APBB2: variants seen among roughly 807,000 people sequenced by gnomAD.
APBB2 encodes amyloid beta precursor protein binding family B member 2.
APBB2 carries 38 observed loss-of-function variants against 82.5 expected under a neutral mutation model. The ratio of observed to expected loss-of-function variants is 0.46; its 90% CI spans 0.36 to 0.60. APBB2 has a LOEUF of 0.60. Ranked by LOEUF, APBB2 falls within the 20% of genes least tolerant of loss-of-function variation. The pLI, the probability that APBB2 is intolerant of heterozygous loss-of-function variation, is 0.00. For synonymous variants in APBB2, 341 were observed against 368.2 expected (o/e 0.93, Z 0.85); for missense variants, 772 against 972.3 (o/e 0.79, Z 2.74).
chr4:40,972,760 T>G (rs1309335028), intron 6 of APBB2, among the ~76,000 whole-genome samples: 1 of 152,192 alleles, frequency 6.6e-6, no homozygotes, highest in Non-Finnish European at 1.5e-5. Context: ...ACGAATCCCA[T>G]GAAGTTTTAA....
intron 6 of APBB2, among the ~76,000 whole-genome samples, chr4:40,961,085 G>A (rs574687032): frequency 2.0e-5 from 3 of 152,256 alleles, no homozygotes; most frequent in Admixed American, 6.5e-5. Context: ...TTTGGTTCCT[G>A]AGGTCTTTGT....
chr4:41,015,684 T>C (rs529799653), intron 5 of APBB2, among the ~76,000 whole-genome samples: 145 of 152,310 alleles, frequency 9.5e-4, no homozygotes, highest in Non-Finnish European at 1.7e-3. Context: ...TATAACAGTA[T>C]GACCATGTGG....
At position 40,826,121 on chromosome 4, in the gene APBB2, G is replaced by C; in HGVS notation, c.1733-151C>G. 1 of 651,598 alleles carries C rather than the reference G, an allele frequency of 1.5e-6. No homozygotes were observed. Among genetic ancestry groups the C allele is most frequent in the Non-Finnish European group, 2.8e-6 (1 of 354,994 alleles). 40.4% of individuals were successfully genotyped at this position (651,598 alleles called of 1,614,324 possible). On this transcript the variant is annotated intron_variant, in intron 14 of 17. Transcript: ENST00000508593. This position sits in a 1 kb window ranked among gnomAD's most constrained non-coding sequence, Gnocchi z 4.5. ...TGTAAATGTAACAACTATTCTACAA[G>C]AGCAGCATTACTCCAGATATTGGGG...
At chr4:41,112,056 G>C (rs996105999) in intron 2 of APBB2, among the ~76,000 whole-genome samples, 11 of 152,196 alleles carry the variant, frequency 7.2e-5, no homozygotes, top group Admixed American at 7.2e-4. Flanking sequence ...GAGGTGGGAT[G>C]GGCTGAGTTC....
intron 12 of APBB2, among the ~76,000 whole-genome samples, chr4:40,875,391 C>T (rs1766631039): frequency 6.6e-6 from 1 of 152,132 alleles, no homozygotes; most frequent in Non-Finnish European, 1.5e-5. Flanking sequence ...AGGGGAGTCC[C>T]GTTCAACAGA....
At chr4:41,027,582 T>C (rs1436388331) in intron 5 of APBB2, among the ~76,000 whole-genome samples, 2 of 152,028 alleles carry the variant, frequency 1.3e-5, no homozygotes, top group East Asian at 3.8e-4. Context: ...ATGCTTTTCA[T>C]TTCCCTTTCA....
chr4:41,109,269 A>G (rs555914677), intron 2 of APBB2, among the ~76,000 whole-genome samples: 26 of 150,470 alleles, frequency 1.7e-4, no homozygotes, highest in Non-Finnish European at 3.5e-4. Flanking sequence ...ATCTCTCTAC[A>G]CTAAAAAAAG....
intron 10 of APBB2, among the ~76,000 whole-genome samples, chr4:40,921,648 G>GCCCA: frequency 6.6e-6 from 1 of 152,182 alleles, no homozygotes; most frequent in Non-Finnish European, 1.5e-5. Context: ...AGTGACACTG[G>GCCCA]CCCACTGCAT....
intron 4 of APBB2, among the ~76,000 whole-genome samples, chr4:41,044,603 A>G (rs1394168093): frequency 6.6e-6 from 1 of 152,156 alleles, no homozygotes. Context: ...CTGAAGGTCA[A>G]TTTTGCTAGA....
chr4:41,025,411 G>A (rs1300771286), intron 5 of APBB2, among the ~76,000 whole-genome samples: 5 of 152,112 alleles, frequency 3.3e-5, no homozygotes, highest in Non-Finnish European at 5.9e-5. Flanking sequence ...GTCGGTGGGA[G>A]TGTGAATTAG....
intron 3 of APBB2, among the ~76,000 whole-genome samples, chr4:41,083,027 T>C (rs1738234482): frequency 6.6e-6 from 1 of 151,966 alleles, no homozygotes; most frequent in Non-Finnish European, 1.5e-5. Flanking sequence ...TAGCCAGGCA[T>C]GGTGGCGCAT....
chr4:40,900,295 G>A (rs570391167), intron 10 of APBB2, among the ~76,000 whole-genome samples: 2 of 152,220 alleles, frequency 1.3e-5, no homozygotes, highest in South Asian at 4.1e-4. Context: ...ATTCTTCCCT[G>A]TAGATACACC....
intron 12 of APBB2, among the ~76,000 whole-genome samples, chr4:40,859,860 T>C (rs1264250076): frequency 1.3e-5 from 2 of 152,128 alleles, no homozygotes; most frequent in Non-Finnish European, 2.9e-5. Flanking sequence ...CTCAGAGCCT[T>C]TGCACTGACT....
chr4:40,903,298 TA>T (rs33976536), intron 10 of APBB2, among the ~76,000 whole-genome samples: 5,835 of 148,188 alleles, frequency 0.039, 366 homozygotes, highest in African/African-American at 0.14. Context: ...CCAACTCTAC[TA>T]AAAAAAAAAA....
intron 4 of APBB2, among the ~76,000 whole-genome samples, chr4:41,044,414 T>C (rs959302699): frequency 1.3e-5 from 2 of 152,234 alleles, no homozygotes; most frequent in African/African-American, 4.8e-5. Flanking sequence ...TAATAATCTT[T>C]GATAGCTTCC....
At chr4:41,075,572 G>T (rs533439610) in intron 3 of APBB2, among the ~76,000 whole-genome samples, 1 of 152,140 alleles carries the variant, frequency 6.6e-6, no homozygotes, top group Non-Finnish European at 1.5e-5. Flanking sequence ...AACACAACTG[G>T]GACCACTGGA....
intron 3 of APBB2, among the ~76,000 whole-genome samples, chr4:41,072,922 T>C (rs1409801855): frequency 6.6e-6 from 1 of 152,212 alleles, no homozygotes; most frequent in East Asian, 1.9e-4. Context: ...ATCTGTAAAA[T>C]GGGCTAAGGA....
chr4:41,031,797 C>G (rs1435148739), intron 5 of APBB2, among the ~76,000 whole-genome samples: 1 of 152,076 alleles, frequency 6.6e-6, no homozygotes, highest in Non-Finnish European at 1.5e-5. Flanking sequence ...TAAAGGATCC[C>G]TAAAAGAATT....
chr4:41,049,468 G>C (rs541969080), intron 4 of APBB2, among the ~76,000 whole-genome samples: 1 of 149,462 alleles, frequency 6.7e-6, no homozygotes, highest in South Asian at 2.1e-4. Context: ...GAGGTGGGGG[G>C]CAGCCCCCGC....
Sources: gnomAD v4.1 joint callset for allele counts (sites outside exome capture counted in the v4.1 genomes callset) on GRCh38, gnomAD v4.1.1 for gene constraint, Gnocchi (gnomAD v3.1) non-coding constraint, MANE v1.5 for transcripts, NCBI Gene and HGNC (gene_info 2026-07-23, HGNC 2026-07-21) for gene names.